Variants in PCYT1B observed in about 807,000 individuals in gnomAD.
The protein encoded by PCYT1B is phosphate cytidylyltransferase 1B, choline, also known as choline-phosphate cytidylyltransferase B.
A neutral mutation model predicts 26.4 loss-of-function variants in PCYT1B; 10 were observed. The observed-to-expected ratio is 0.38, with a 90% CI of 0.23 to 0.64. The LOEUF is 0.64. Ranked by LOEUF, PCYT1B falls within the 30% of genes least tolerant of loss-of-function variation. The probability of loss-of-function intolerance (pLI) is 0.56; values close to 1 mark genes in which losing one functional copy is unlikely to be tolerated. For synonymous variants in PCYT1B, 131 were observed against 108.4 expected, an observed-to-expected ratio of 1.21 and a Z score of -1.29; for missense variants, 161 against 292.7, an observed-to-expected ratio of 0.55 and a Z score of 3.28.
chrX:24,659,976 T>C (rs1431778294), intron 1 of PCYT1B, among the ~76,000 whole-genome samples: 1 of 111,798 alleles, frequency 8.9e-6, no homozygotes, highest in Non-Finnish European at 1.9e-5. Flanking sequence ...AAGACGCTTA[T>C]CCACTTTGCT....
chrX:24,631,224 A>G (rs1026827860), intron 1 of PCYT1B, among the ~76,000 whole-genome samples: 1 of 111,704 alleles, frequency 9.0e-6, no homozygotes, highest in Non-Finnish European at 1.9e-5. Context: ...GCCTAGCCAG[A>G]AAGTCCTGTT....
At chrX:24,663,011 C>T (rs951496722) in intron 1 of PCYT1B, among the ~76,000 whole-genome samples, 1 of 111,933 alleles carries the variant, frequency 8.9e-6, no homozygotes, top group Admixed American at 9.5e-5. Flanking sequence ...CCCAAAATGT[C>T]TATTATGCTG....
At position 24,578,944 on chromosome X, in the gene PCYT1B, A is replaced by G. The variant is rs1012692510; in HGVS notation, c.708+372T>C. On this transcript the variant is annotated intron_variant, in intron 6 of 7. Transcript: ENST00000379144. ...TTGTCATCTGTAAAATGGGGATAAT[A>G]ATACATCATGGGTTATTGTGTGGGT... 9.0e-5 allele frequency among the ~76,000 whole-genome samples: 10 copies of G among 111,533 alleles called. No homozygotes were observed. In the Admixed American group the frequency reaches 9.6e-4, roughly 11 times the overall value.
In PCYT1B at chrX:24,624,058, T is replaced by C. The variant is rs915283590; in HGVS notation, c.118-4974A>G. 2.3e-4 allele frequency among the ~76,000 whole-genome samples: 24 copies of C among 104,143 alleles called. 1 individual carries two copies. In the South Asian group the frequency reaches 6.8e-3, roughly 29 times the overall value. 90.4% of individuals were successfully genotyped at this position (104,143 alleles called of 115,157 possible). On this transcript the variant is annotated intron_variant, in intron 1 of 7. Coordinates refer to ENST00000379144, the MANE Select transcript of PCYT1B (RefSeq NM_004845.5). The stretch of plus-strand genomic sequence containing the variant: ...GCAATCTGCTCACTGCAAGCTCCAC[T>C]TCCCGGGTTCATGCCATTCTCCTGC...
chrX:24,648,036 T>C (rs1247735624), upstream of PCYT1B, among the ~76,000 whole-genome samples: 2 of 112,454 alleles, frequency 1.8e-5, no homozygotes, highest in Non-Finnish European at 3.7e-5. Context: ...TTCAATACAC[T>C]GTTCCATGCA....
intron 1 of PCYT1B, among the ~76,000 whole-genome samples, chrX:24,629,854 T>C (rs775562014): frequency 9.0e-6 from 1 of 111,576 alleles, no homozygotes; most frequent in African/African-American, 3.2e-5. Flanking sequence ...AGACTCATAG[T>C]ACTATAAGTA....
At chrX:24,572,541 G>T (rs376204275) in intron 7 of PCYT1B, among the ~76,000 whole-genome samples, 1 of 111,309 alleles carries the variant, frequency 9.0e-6, no homozygotes, top group Non-Finnish European at 1.9e-5. Flanking sequence ...GTATTTGCCG[G>T]TAATACAGAT....
chrX:24,573,494 G>A (rs1049635636), intron 7 of PCYT1B, among the ~76,000 whole-genome samples: 3 of 111,052 alleles, frequency 2.7e-5, no homozygotes, highest in African/African-American at 9.8e-5. Flanking sequence ...ACCCTCTTGA[G>A]TTACTATACC....
intron 5 of PCYT1B, among the ~76,000 whole-genome samples, chrX:24,582,508 T>C (rs892501846): frequency 4.4e-5 from 5 of 112,385 alleles, no homozygotes; most frequent in Non-Finnish European, 7.5e-5. Flanking sequence ...CAGAGAACCT[T>C]TTTTATCATG....
At chrX:24,563,677 G>C (rs767977989) in intron 7 of PCYT1B, among the ~76,000 whole-genome samples, 1 of 111,759 alleles carries the variant, frequency 8.9e-6, no homozygotes, top group African/African-American at 3.2e-5. Context: ...GGAAGGGAGA[G>C]GGGGAGGCAC....
intron 1 of PCYT1B, among the ~76,000 whole-genome samples, chrX:24,670,050 A>AAGAAAGAG (rs1275973559): frequency 7.8e-5 from 3 of 38,407 alleles, no homozygotes; most frequent in Non-Finnish European, 9.8e-5. Flanking sequence ...CTCAAAAAAA[A>AAGAAAGAG]AGAAAGAAAG....
At chrX:24,607,285 G>A (rs1925169295) in intron 3 of PCYT1B, among the ~76,000 whole-genome samples, 1 of 112,571 alleles carries the variant, frequency 8.9e-6, no homozygotes, top group Admixed American at 9.4e-5. Context: ...AGCCACTAGT[G>A]TTAGCACAAC....
chrX:24,615,382 C>T (rs1925453076), intron 2 of PCYT1B, among the ~76,000 whole-genome samples: 1 of 111,464 alleles, frequency 9.0e-6, no homozygotes, highest in South Asian at 3.8e-4. Context: ...CAATTTCACC[C>T]AGTTAGCTTG....
At chrX:24,587,642 T>C (rs1924413632) in intron 4 of PCYT1B, among the ~76,000 whole-genome samples, 1 of 111,975 alleles carries the variant, frequency 8.9e-6, no homozygotes, top group South Asian at 3.8e-4. Context: ...ATTAATTCTT[T>C]GAATTTTTAT....
intron 1 of PCYT1B, among the ~76,000 whole-genome samples, chrX:24,626,496 G>A (rs1925888175): frequency 8.9e-6 from 1 of 112,254 alleles, no homozygotes; most frequent in Non-Finnish European, 1.9e-5. Flanking sequence ...TTTTTAAAAT[G>A]AGAATGCATT....
At chrX:24,599,743 T>A (rs1168969444) in intron 3 of PCYT1B, among the ~76,000 whole-genome samples, 1 of 111,799 alleles carries the variant, frequency 8.9e-6, no homozygotes, top group East Asian at 2.8e-4. Context: ...AATGAAAATA[T>A]AAGTTTGAGG....
At chrX:24,649,592 T>G (rs972944436), upstream of PCYT1B, among the ~76,000 whole-genome samples, 1 of 112,275 alleles carries the variant, frequency 8.9e-6, no homozygotes, top group East Asian at 2.8e-4. Flanking sequence ...CTCTCCAGAA[T>G]GAGAGGTTCA....
chrX:24,587,151 C>T, intron 5 of PCYT1B, 90 bp downstream of exon 5: 1 of 622,031 alleles, frequency 1.6e-6, no homozygotes, highest in Non-Finnish European at 2.6e-6. Context: ...TGTTTGTATA[C>T]ACTGCAGATG....
chrX:24,652,390 C>T (rs1433014989), intron 1 of PCYT1B, among the ~76,000 whole-genome samples: 1 of 110,276 alleles, frequency 9.1e-6, no homozygotes, highest in African/African-American at 3.3e-5. Context: ...GAATCCCCGT[C>T]CCTACTAAAA....
Sources: gnomAD v4.1 joint callset for allele counts (sites outside exome capture counted in the v4.1 genomes callset) on GRCh38, gnomAD v4.1.1 for gene constraint, MANE v1.5 for transcripts, NCBI Gene and HGNC (gene_info 2026-07-23, HGNC 2026-07-21) for gene names.